The following CYSLTR1 variants were observed in gnomAD, a reference collection of about 807,000 sequenced individuals.
The protein encoded by CYSLTR1 is cysteinyl leukotriene receptor 1, also known as G-protein coupled receptor HG55.
In CYSLTR1, 1 loss-of-function variant was observed where a neutral mutation model predicts 2.1. That is an observed-to-expected ratio of 0.48 (90% CI 0.17 to 2.28). CYSLTR1 has a LOEUF of 2.28. Among genes scored for constraint, CYSLTR1 ranks in the 30% most tolerant of loss-of-function variants. The pLI is 0.26. For synonymous variants in CYSLTR1, 110 were observed against 89.6 expected (o/e 1.23, Z -1.28); for missense variants, 299 against 250.1 (o/e 1.20, Z -1.32).
rs1921330912 is a variant in CYSLTR1 at position 78,272,831 on chromosome X, G to A, written c.916C>T (p.Leu306=). 1 of 1,211,045 alleles carries A rather than the reference G, an allele frequency of 8.3e-7. No individual in the cohort carries two copies. The highest frequency in any genetic ancestry group is 1.1e-6 in the Non-Finnish European group (1 of 895,183). ...AAAGAATGCTTTCTGAATGTAGACA[G>A]CCTTTTCCTAAAGTTACCCCCAGAA... is the stretch of plus-strand genomic sequence containing the variant. ...FFSGGNFRKR[L]STFRKHSLSS... is the part of the protein sequence containing the mutation. The change falls in exon 3 of 3, where the codon CTG becomes TTG. Residue 306 remains leucine (L), a synonymous_variant. Coordinates refer to ENST00000373304, the MANE Select transcript of CYSLTR1 (RefSeq NM_006639.4).
At chrX:78,293,347 G>A (rs886692022) in intron 1 of CYSLTR1, among the ~76,000 whole-genome samples, 2 of 111,785 alleles carry the variant, frequency 1.8e-5, no homozygotes, top group African/African-American at 3.3e-5. Flanking sequence ...TGAGAGATCC[G>A]CTGTTAGTCT....
rs1921314000 is a variant in CYSLTR1 at position 78,272,587 on chromosome X, A to T, written c.*146T>A. The T allele has an allele frequency of 6.2e-6, 3 of 481,102 alleles. No homozygotes were observed. Among genetic ancestry groups the T allele is most frequent in the Non-Finnish European group, 9.5e-6 (3 of 317,250 alleles). The allele number at this position is 481,102 out of a possible 1,213,427, so 39.6% of individuals were successfully genotyped here. A position where few individuals can be genotyped will look rare whatever the true frequency, so the allele number is the denominator to read the frequency against. ...TATCTATAAATATCTAATCATGTGG[A>T]TGCATAAATGAGATAGAGTTGTAGG... On this transcript the variant is annotated 3_prime_UTR_variant, in exon 3 of 3. Transcript: ENST00000373304.
intron 1 of CYSLTR1, among the ~76,000 whole-genome samples, chrX:78,295,031 T>C (rs1430667321): frequency 1.8e-5 from 2 of 112,055 alleles, no homozygotes; most frequent in Non-Finnish European, 3.8e-5. Context: ...GGTACTTCAG[T>C]TGGAAATGCT....
At chrX:78,314,791 C>G (rs950539887) in intron 1 of CYSLTR1, among the ~76,000 whole-genome samples, 1 of 109,692 alleles carries the variant, frequency 9.1e-6, no homozygotes, top group Non-Finnish European at 1.9e-5. Flanking sequence ...TGCCTTGCCA[C>G]CAGGGGTAAA....
intron 1 of CYSLTR1, among the ~76,000 whole-genome samples, chrX:78,294,958 C>T (rs1057048678): frequency 5.1e-4 from 57 of 112,511 alleles, no homozygotes; most frequent in Middle Eastern, 4.6e-3. Flanking sequence ...ACAACCCGCC[C>T]CACTTCGGCT....
intron 1 of CYSLTR1, among the ~76,000 whole-genome samples, chrX:78,317,869 G>C (rs7060892): frequency 1.8e-5 from 2 of 111,666 alleles, no homozygotes; most frequent in African/African-American, 6.5e-5. Context: ...TACACATTGC[G>C]TACAGTGTAC....
chrX:78,303,952 C>T (rs1922928867), intron 1 of CYSLTR1, among the ~76,000 whole-genome samples: 1 of 111,396 alleles, frequency 9.0e-6, no homozygotes, highest in Non-Finnish European at 1.9e-5. Flanking sequence ...TTTTTGAGAG[C>T]TGTAGGATAA....
chrX:78,274,709 A>G (rs753177004), intron 2 of CYSLTR1, among the ~76,000 whole-genome samples: 14 of 110,563 alleles, frequency 1.3e-4, no homozygotes, highest in African/African-American at 4.6e-4. Flanking sequence ...CAATGACAAC[A>G]AAAGCCAAAA....
chrX:78,277,426 C>A (rs1421056057), intron 2 of CYSLTR1, among the ~76,000 whole-genome samples: 1 of 111,867 alleles, frequency 8.9e-6, no homozygotes, highest in Non-Finnish European at 1.9e-5. Flanking sequence ...ATGCAGTTGC[C>A]TGCAGCCTCT....
intron 1 of CYSLTR1, among the ~76,000 whole-genome samples, chrX:78,305,849 T>C (rs1923013993): frequency 1.8e-5 from 2 of 113,157 alleles, no homozygotes; most frequent in African/African-American, 6.4e-5. Context: ...TTCAATTTTA[T>C]GCATATACCA....
intron 1 of CYSLTR1, among the ~76,000 whole-genome samples, chrX:78,298,894 G>T (rs1046430062): frequency 1.4e-4 from 15 of 110,611 alleles, no homozygotes; most frequent in African/African-American, 4.9e-4. Flanking sequence ...TAATAAGTAG[G>T]GAGATAATCC....
chrX:78,279,574 A>G (rs1276205480), intron 2 of CYSLTR1, among the ~76,000 whole-genome samples: 3 of 112,601 alleles, frequency 2.7e-5, no homozygotes, highest in African/African-American at 9.7e-5. Flanking sequence ...CTACCATTTT[A>G]CCCAAACAAT....
chrX:78,305,772 G>T (rs757213433), intron 1 of CYSLTR1, among the ~76,000 whole-genome samples: 1 of 112,701 alleles, frequency 8.9e-6, no homozygotes, highest in East Asian at 2.8e-4. Flanking sequence ...TTAGCATAAC[G>T]CCCTCAAGGC....
At chrX:78,312,246 A>G (rs1923245761) in intron 1 of CYSLTR1, among the ~76,000 whole-genome samples, 1 of 111,630 alleles carries the variant, frequency 9.0e-6, no homozygotes, top group Admixed American at 9.5e-5. Context: ...TCCCTATTCA[A>G]CAAATGGTGC....
At chrX:78,282,002 TTCTC>T (rs1921864816) in intron 2 of CYSLTR1, among the ~76,000 whole-genome samples, 1 of 112,157 alleles carries the variant, frequency 8.9e-6, no homozygotes, top group Non-Finnish European at 1.9e-5. Flanking sequence ...CTTTCCAAGT[TTCTC>T]TCTCACTTCT....
At chrX:78,327,226 G>A (rs1923890175) in intron 1 of CYSLTR1, 79 bp downstream of exon 1, 1 of 111,716 alleles carries the variant, frequency 9.0e-6, no homozygotes, top group Non-Finnish European at 1.9e-5. Context: ...AAACTCCTGG[G>A]AATTTGCTAA....
intron 1 of CYSLTR1, among the ~76,000 whole-genome samples, chrX:78,301,611 A>C (rs1230616267): frequency 8.9e-6 from 1 of 112,012 alleles, no homozygotes; most frequent in East Asian, 2.8e-4. Context: ...TATTATTATC[A>C]GCATTTTGGT....
intron 1 of CYSLTR1, among the ~76,000 whole-genome samples, chrX:78,310,223 T>C (rs1923167091): frequency 9.0e-6 from 1 of 111,621 alleles, no homozygotes; most frequent in Non-Finnish European, 1.9e-5. Context: ...CCTAACTGCA[T>C]AGAGTTACTT....
At chrX:78,292,408 A>G (rs1026009893) in intron 1 of CYSLTR1, among the ~76,000 whole-genome samples, 3 of 112,165 alleles carry the variant, frequency 2.7e-5, no homozygotes, top group Non-Finnish European at 3.8e-5. Context: ...CAATTTTAGA[A>G]TAAGTGCGAT....
Sources: allele counts gnomAD v4.1 joint callset (sites outside exome capture counted in the v4.1 genomes callset), GRCh38; gene constraint gnomAD v4.1.1; transcripts MANE v1.5; gene names NCBI Gene and HGNC (gene_info 2026-07-23, HGNC 2026-07-21).